GSG1L: variants seen among roughly 807,000 people sequenced by gnomAD.
The protein encoded by GSG1L is germ cell-specific gene 1-like protein.
Under a neutral mutation model 42.1 loss-of-function variants are expected in GSG1L, and 24 were observed. The ratio of observed to expected loss-of-function variants is 0.57; its 90% CI spans 0.41 to 0.80. The LOEUF (loss-of-function observed/expected upper bound fraction) is 0.80, where lower values mean the gene tolerates loss of function less well. Among genes scored for constraint, GSG1L ranks in the 30% least tolerant of loss-of-function variants. The pLI is 0.00. For synonymous variants in GSG1L, 215 were observed against 203.5 expected (o/e 1.06, Z -0.48); for missense variants, 445 against 472.2 (o/e 0.94, Z 0.53).
chr16:28,059,347 C>T lies in GSG1L; in HGVS notation c.349+3729G>A, dbSNP rs1187106757. ...CGCGGTGTGGGGTGTGTTGGCTCCC[C>T]GCCTGGGTCCTGCATGGGTCTTCTG... On this transcript the variant is annotated intron_variant, in intron 1 of 6. Coordinates refer to ENST00000447459, the MANE Select transcript of GSG1L (RefSeq NM_001109763.2). The surrounding 1 kb of genome is among the most constrained non-coding windows in gnomAD (Gnocchi z 4.4). 2.6e-5 allele frequency among the ~76,000 whole-genome samples: 4 copies of T among 152,046 alleles called. No homozygotes were observed. Among genetic ancestry groups the T allele is most frequent in the East Asian group, 1.9e-4 (1 of 5,166 alleles).
chr16:27,938,385 T>TAAA (rs71140925), intron 2 of GSG1L, among the ~76,000 whole-genome samples: 27,596 of 140,846 alleles, frequency 0.2, 3,030 homozygotes, highest in African/African-American at 0.29. Context: ...GAGACTCCAT[T>TAAA]AAAAAAAAAA....
At chr16:27,888,462 T>TTCTTTCTC (rs1193632295) in intron 2 of GSG1L, among the ~76,000 whole-genome samples, 3 of 37,914 alleles carry the variant, frequency 7.9e-5, no homozygotes, top group East Asian at 1.4e-3. Context: ...CTTTCTTTCT[T>TTCTTTCTC]TCTCTCTCTC....
Position 27,791,138 on chromosome 16 carries a change from TC to T in GSG1L, c.*231del, listed in dbSNP as rs2082746373. On this transcript the variant is annotated 3_prime_UTR_variant, in exon 7 of 7. Coordinates refer to ENST00000447459, the MANE Select transcript of GSG1L (RefSeq NM_001109763.2). ...TGATGGCAAGAGTCCGGGGCTGCTG[TC>T]CCAAAGTCACTCTGTGCAGCCCTGT... 2.6e-6 allele frequency: 1 copy of T among 377,410 alleles called. No individual in the cohort carries two copies. The highest frequency in any genetic ancestry group is 2.1e-5 in the African/African-American group (1 of 48,160). 23.4% of individuals were successfully genotyped at this position (377,410 alleles called of 1,614,324 possible). A position where few individuals can be genotyped will look rare whatever the true frequency, so the allele number is the denominator to read the frequency against.
At chr16:27,817,777 C>T (rs34419436) in intron 5 of GSG1L, among the ~76,000 whole-genome samples, 21,181 of 152,194 alleles carry the variant, frequency 0.14, 1,835 homozygotes, top group Non-Finnish European at 0.2. Context: ...GTTATGAAAG[C>T]TTCCATTTAT....
At chr16:27,832,457 A>G (rs1270578468) in intron 4 of GSG1L, among the ~76,000 whole-genome samples, 2 of 152,234 alleles carry the variant, frequency 1.3e-5, no homozygotes, top group African/African-American at 4.8e-5. Flanking sequence ...TTTTACATAA[A>G]TAAAATCATA....
intron 6 of GSG1L, among the ~76,000 whole-genome samples, 197 bp downstream of exon 6, chr16:27,807,290 A>G (rs1407439038): frequency 6.6e-6 from 1 of 152,148 alleles, no homozygotes; most frequent in Non-Finnish European, 1.5e-5. Context: ...CCCGACTGGG[A>G]AGCCTGTGGG....
intron 1 of GSG1L, among the ~76,000 whole-genome samples, chr16:28,004,579 A>C (rs897293460): frequency 1.5e-4 from 13 of 85,320 alleles, no homozygotes; most frequent in African/African-American, 4.1e-4. Context: ...GTTTGAGACC[A>C]GCCAGGGCAA....
intron 1 of GSG1L, among the ~76,000 whole-genome samples, chr16:28,048,831 C>T (rs528839571): frequency 2.0e-5 from 3 of 151,936 alleles, no homozygotes; most frequent in East Asian, 1.9e-4. Context: ...CATTAACAAA[C>T]CTCAGAAAAG....
rs1285482050 is a variant in GSG1L at position 27,884,461 on chromosome 16, G to A, written c.550+25C>T. The A allele has an allele frequency of 6.2e-7, 1 of 1,604,262 alleles. No homozygotes were observed. Among genetic ancestry groups the A allele is most frequent in the Non-Finnish European group, 8.5e-7 (1 of 1,173,836 alleles). On this transcript the variant is annotated intron_variant, in intron 3 of 6. Coordinates refer to ENST00000447459, the MANE Select transcript of GSG1L (RefSeq NM_001109763.2). The surrounding 1 kb of genome is among the most constrained non-coding windows in gnomAD (Gnocchi z 4.4). ...ACCCTTTCTCGCCTGTGCTCTGAGA[G>A]GCCACAGGACCAGCCATGCCTTACC... is the stretch of plus-strand genomic sequence containing the variant.
chr16:27,905,755 C>T (rs564784511), intron 2 of GSG1L, among the ~76,000 whole-genome samples: 1 of 152,034 alleles, frequency 6.6e-6, no homozygotes, highest in Non-Finnish European at 1.5e-5. Flanking sequence ...CAGGGCGGGG[C>T]GGGGGATGCA....
intron 1 of GSG1L, among the ~76,000 whole-genome samples, chr16:28,048,909 G>T (rs2086193533): frequency 6.6e-6 from 1 of 152,180 alleles, no homozygotes; most frequent in African/African-American, 2.4e-5. Context: ...CAAGAGTAAT[G>T]AGGCTTTTTT....
chr16:27,972,451 T>A (rs900918836), intron 1 of GSG1L, among the ~76,000 whole-genome samples: 2 of 152,392 alleles, frequency 1.3e-5, no homozygotes, highest in African/African-American at 4.8e-5. Flanking sequence ...TGGCACCATA[T>A]TGGCTTGCCG....
At chr16:27,852,953 C>T (rs1271325147) in intron 3 of GSG1L, among the ~76,000 whole-genome samples, 3 of 152,148 alleles carry the variant, frequency 2.0e-5, no homozygotes, top group African/African-American at 4.8e-5. Flanking sequence ...CGCTTACTTC[C>T]CAGCAAACCA....
At chr16:27,888,537 T>C (rs1241005767) in intron 2 of GSG1L, among the ~76,000 whole-genome samples, 1 of 30,154 alleles carries the variant, frequency 3.3e-5, no homozygotes, top group South Asian at 1.4e-3. Context: ...CTTTCTTTCT[T>C]TCTTTCTTTC....
At chr16:27,921,562 G>C (rs1404174218) in intron 2 of GSG1L, among the ~76,000 whole-genome samples, 1 of 152,044 alleles carries the variant, frequency 6.6e-6, no homozygotes, top group Non-Finnish European at 1.5e-5. Flanking sequence ...CCCCAAAAGA[G>C]ACATGCAAGG....
chr16:27,858,188 G>A (rs1340335038), intron 3 of GSG1L, among the ~76,000 whole-genome samples: 4 of 152,188 alleles, frequency 2.6e-5, no homozygotes, highest in Non-Finnish European at 5.9e-5. Context: ...TAAGAAAGCT[G>A]CCTGTGCACT....
chr16:27,986,057 C>T (rs909235293), intron 1 of GSG1L, among the ~76,000 whole-genome samples: 4 of 152,140 alleles, frequency 2.6e-5, no homozygotes, highest in Admixed American at 6.5e-5. Context: ...CCAGGGATTA[C>T]TTAGTACTAT....
intron 2 of GSG1L, among the ~76,000 whole-genome samples, chr16:27,962,819 A>G (rs1040409143): frequency 2.0e-5 from 3 of 152,168 alleles, no homozygotes; most frequent in African/African-American, 7.2e-5. Flanking sequence ...CTACAGCTGG[A>G]GGCAAACCCC....
chr16:27,949,155 A>G (rs1231507053), intron 2 of GSG1L, among the ~76,000 whole-genome samples: 3 of 151,048 alleles, frequency 2.0e-5, no homozygotes, highest in African/African-American at 7.3e-5. Flanking sequence ...GGGCTCAAGC[A>G]ATCCTCCCAC....
Sources: gnomAD v4.1 joint callset for allele counts (sites outside exome capture counted in the v4.1 genomes callset) on GRCh38, gnomAD v4.1.1 for gene constraint, Gnocchi (gnomAD v3.1) non-coding constraint, MANE v1.5 for transcripts, NCBI Gene and HGNC (gene_info 2026-07-23, HGNC 2026-07-21) for gene names.